The following GPR158 variants were observed in gnomAD, a reference collection of about 807,000 sequenced individuals.
GPR158 encodes the protein metabotropic glycine receptor.
In GPR158, 30 loss-of-function variants were observed where a neutral mutation model predicts 78.2. The ratio of observed to expected loss-of-function variants is 0.38; its 90% CI spans 0.29 to 0.52. The LOEUF (loss-of-function observed/expected upper bound fraction) is 0.52, where lower values mean the gene tolerates loss of function less well. GPR158 is among the 20% of genes least tolerant of loss of function. The pLI, the probability that GPR158 is intolerant of heterozygous loss-of-function variation, is 0.83. For missense variants in GPR158, 1,463 were observed against 1,523.5 expected, an observed-to-expected ratio of 0.96 and a Z score of 0.66; for synonymous variants, 581 against 591.1, an observed-to-expected ratio of 0.98 and a Z score of 0.25.
At chr10:25,569,981 T>G (rs1290399747) in intron 6 of GPR158, among the ~76,000 whole-genome samples, 1 of 152,204 alleles carries the variant, frequency 6.6e-6, no homozygotes. Context: ...AAGCTAGAAT[T>G]TGGAACCATT....
intron 4 of GPR158, among the ~76,000 whole-genome samples, chr10:25,458,006 A>G (rs774960651): frequency 6.6e-6 from 1 of 152,246 alleles, no homozygotes; most frequent in Admixed American, 6.5e-5. Context: ...TTAATAATGA[A>G]TGACTTGTTA....
intron 5 of GPR158, among the ~76,000 whole-genome samples, chr10:25,546,235 A>G (rs756768336): frequency 6.6e-6 from 1 of 152,054 alleles, no homozygotes; most frequent in Non-Finnish European, 1.5e-5. Context: ...AAGTTATTCT[A>G]TTGTAAAGCA....
chr10:25,423,844 T>A (rs998706815), intron 4 of GPR158, among the ~76,000 whole-genome samples: 1 of 152,230 alleles, frequency 6.6e-6, no homozygotes, highest in Non-Finnish European at 1.5e-5. Context: ...ACAATAAACA[T>A]ACGTGTGCAT....
intron 5 of GPR158, among the ~76,000 whole-genome samples, chr10:25,509,711 A>G (rs1036153924): frequency 2.6e-5 from 4 of 152,052 alleles, no homozygotes; most frequent in African/African-American, 9.7e-5. Flanking sequence ...CTTTTATTTT[A>G]TGATTTTTAT....
Position 25,504,265 on chromosome 10 carries a change from A to G in GPR158, c.1404+37546A>G, listed in dbSNP as rs1334529646. ...TAGTGCCTGTTATATGAATTCAAAT[A>G]TTTGTTGAATAAATGAGTGAGTGAA... is the stretch of plus-strand genomic sequence containing the variant. On this transcript the variant is annotated intron_variant, in intron 5 of 10. Coordinates refer to ENST00000376351, the MANE Select transcript of GPR158 (RefSeq NM_020752.3). Among the ~76,000 whole-genome samples the G allele has an allele frequency of 2.6e-5, 4 of 152,166 alleles. No individual in the cohort carries two copies. In the East Asian group the frequency reaches 7.7e-4, roughly 29 times the overall value.
chr10:25,265,719 A>C (rs1854037155), intron 2 of GPR158, among the ~76,000 whole-genome samples: 1 of 152,152 alleles, frequency 6.6e-6, no homozygotes, highest in East Asian at 1.9e-4. Flanking sequence ...CAGGTACGAA[A>C]ACTGGGATTC....
At chr10:25,432,825 T>C (rs1323062571) in intron 4 of GPR158, among the ~76,000 whole-genome samples, 1 of 152,182 alleles carries the variant, frequency 6.6e-6, no homozygotes, top group Non-Finnish European at 1.5e-5. Context: ...CTTGGAATTA[T>C]TATCCATACT....
intron 7 of GPR158, among the ~76,000 whole-genome samples, chr10:25,585,254 AC>A (rs1427617960): frequency 1.3e-5 from 2 of 152,208 alleles, no homozygotes; most frequent in African/African-American, 4.8e-5. Context: ...ATCTCTAATG[AC>A]TTAAACATGA....
chr10:25,370,428 C>T (rs1244226526), intron 2 of GPR158, among the ~76,000 whole-genome samples: 2 of 52,070 alleles, frequency 3.8e-5, no homozygotes, highest in East Asian at 2.3e-4. Context: ...TTTATGTACC[C>T]AGTAGTCATT....
chr10:25,276,126 T>C (rs760991601), intron 2 of GPR158, among the ~76,000 whole-genome samples: 1 of 152,226 alleles, frequency 6.6e-6, no homozygotes, highest in Non-Finnish European at 1.5e-5. Flanking sequence ...ATTTGATCCC[T>C]GCGGCTTGAG....
At chr10:25,345,155 C>T (rs1855356089) in intron 2 of GPR158, among the ~76,000 whole-genome samples, 1 of 152,000 alleles carries the variant, frequency 6.6e-6, no homozygotes. Context: ...TCTATATTGC[C>T]TAGCAGAACA....
intron 5 of GPR158, among the ~76,000 whole-genome samples, chr10:25,488,492 C>A (rs1045792493): frequency 6.6e-6 from 1 of 151,956 alleles, no homozygotes; most frequent in African/African-American, 2.4e-5. Flanking sequence ...TATATGTTAT[C>A]TTTGTGAAAC....
intron 2 of GPR158, among the ~76,000 whole-genome samples, chr10:25,329,386 G>A (rs1855086368): frequency 6.6e-6 from 1 of 151,772 alleles, no homozygotes; most frequent in South Asian, 2.1e-4. Context: ...CTTGCAGTGA[G>A]CGGAGATCGC....
intron 2 of GPR158, among the ~76,000 whole-genome samples, chr10:25,317,051 ATT>A (rs111929383): frequency 2.5e-4 from 35 of 141,726 alleles, no homozygotes; most frequent in African/African-American, 8.2e-4. Context: ...TTTTAAAGTA[ATT>A]TTTTTTTTTT....
In GPR158 at chr10:25,596,524, TAGATAGATCTAG is replaced by T. The variant is rs1393346612; in HGVS notation, c.1999-118_1999-107del. 6.1e-6 allele frequency: 4 copies of T among 658,822 alleles called. No homozygotes were observed. In the East Asian group the frequency reaches 1.2e-4, roughly 19 times the overall value. 40.8% of individuals were successfully genotyped at this position (658,822 alleles called of 1,614,324 possible). On this transcript the variant is annotated intron_variant, in intron 9 of 10. Coordinates refer to ENST00000376351, the MANE Select transcript of GPR158 (RefSeq NM_020752.3). ...CTATCTATCTATATATATAGATAGA[TAGATAGATCTAG>T]GTATAGATATAGATACCTATATAGA...
intron 5 of GPR158, among the ~76,000 whole-genome samples, chr10:25,520,924 C>G (rs1836255851): frequency 1.3e-5 from 2 of 152,354 alleles, no homozygotes; most frequent in South Asian, 4.1e-4. Context: ...CTTTGTTTAC[C>G]TAAGCAAGCC....
At position 25,598,928 on chromosome 10, in the gene GPR158, AG is replaced by A. The variant is rs1200109720; in HGVS notation, c.3304del (p.Glu1102ArgfsTer24). 1.9e-6 allele frequency: 3 copies of A among 1,613,984 alleles called. No individual in the cohort carries two copies. ...CCAGTTCTCCCAGAGAGGGCAAAAG[AG>A]GAGAACGGAGGTCAGCCTCGTGCAG... ...KTPVLPERAKEENGGQPRAAN... is the reference protein window; with the variant it reads ...KTPVLPERAKXENGGQPRAAN... On this transcript the variant is annotated frameshift_variant, in exon 11 of 11. Transcript: ENST00000376351. LOFTEE classifies it low-confidence loss of function (END_TRUNC).
At chr10:25,390,766 C>T (rs188459427) in intron 2 of GPR158, among the ~76,000 whole-genome samples, 2 of 152,344 alleles carry the variant, frequency 1.3e-5, no homozygotes, top group South Asian at 2.1e-4. Flanking sequence ...TTCTAGCTGG[C>T]TGCAGAAATT....
chr10:25,250,593 G>T (rs1306024260), intron 2 of GPR158, among the ~76,000 whole-genome samples: 5 of 149,712 alleles, frequency 3.3e-5, no homozygotes, highest in Admixed American at 2.0e-4. Flanking sequence ...TCAGGAGCAG[G>T]TTGTTCAATT....
Sources: gnomAD v4.1 joint callset for allele counts (sites outside exome capture counted in the v4.1 genomes callset) on GRCh38, gnomAD v4.1.1 for gene constraint, MANE v1.5 for transcripts, NCBI Gene and HGNC (gene_info 2026-07-23, HGNC 2026-07-21) for gene names.